CNOT6L: variants seen among roughly 807,000 people sequenced by gnomAD.
The protein encoded by CNOT6L is CCR4-NOT transcription complex subunit 6 like.
In CNOT6L, 7 loss-of-function variants were observed where a neutral mutation model predicts 64.0. The ratio of observed to expected loss-of-function variants is 0.11; its 90% CI spans 0.06 to 0.21. CNOT6L has a LOEUF of 0.21. CNOT6L is among the 10% of genes least tolerant of loss of function. The pLI, the probability that CNOT6L is intolerant of heterozygous loss-of-function variation, is 1.00. For synonymous variants in CNOT6L, 193 were observed against 243.4 expected (o/e 0.79, Z 1.93); for missense variants, 245 against 669.0 (o/e 0.37, Z 6.99).
intron 10 of CNOT6L, 115 bp from the exon 11 acceptor site, chr4:77,726,484 G>A (rs972454349): frequency 9.3e-6 from 7 of 750,358 alleles, no homozygotes; most frequent in Non-Finnish European, 1.5e-5. Flanking sequence ...TTCTTAGGTT[G>A]AGCCATATAA....
chr4:77,819,114 G>T, intron 1 of CNOT6L, 190 bp downstream of exon 1: 2 of 1,059,074 alleles, frequency 1.9e-6, no homozygotes, highest in South Asian at 1.3e-5. Context: ...ACGCGGGTCA[G>T]CCCCGCCGCC....
intron 1 of CNOT6L, among the ~76,000 whole-genome samples, chr4:77,804,224 T>C (rs898506541): frequency 6.6e-6 from 1 of 151,860 alleles, no homozygotes; most frequent in Non-Finnish European, 1.5e-5. Context: ...AGTCAGGAGT[T>C]TGAGACCAGC....
At chr4:77,782,159 T>G (rs898593148) in intron 1 of CNOT6L, among the ~76,000 whole-genome samples, 6 of 152,134 alleles carry the variant, frequency 3.9e-5, no homozygotes, top group African/African-American at 1.4e-4. Context: ...GGAAAACATG[T>G]TTTTTTGTGT....
At chr4:77,782,512 T>TA (rs1244354799) in intron 1 of CNOT6L, among the ~76,000 whole-genome samples, 5 of 151,124 alleles carry the variant, frequency 3.3e-5, no homozygotes, top group African/African-American at 4.9e-5. Context: ...TTATTTTATT[T>TA]TTTTTTTTAG....
chr4:77,797,861 G>T (rs934100894), intron 1 of CNOT6L, among the ~76,000 whole-genome samples: 1 of 152,076 alleles, frequency 6.6e-6, no homozygotes, highest in Non-Finnish European at 1.5e-5. Flanking sequence ...TGGATCACAG[G>T]CCTAAATTTA....
chr4:77,777,866 T>C (rs1237767209), intron 1 of CNOT6L, among the ~76,000 whole-genome samples: 2 of 152,214 alleles, frequency 1.3e-5, no homozygotes, highest in African/African-American at 4.8e-5. Flanking sequence ...AAGAATGCAA[T>C]CAAAGTTTCC....
chr4:77,743,931 A>T (rs1407179203), intron 7 of CNOT6L, among the ~76,000 whole-genome samples: 1 of 152,126 alleles, frequency 6.6e-6, no homozygotes, highest in Non-Finnish European at 1.5e-5. Flanking sequence ...AAACACCTTT[A>T]AGAAATAGTA....
chr4:77,745,538 GGC>G (rs1370362202), intron 6 of CNOT6L, among the ~76,000 whole-genome samples: 1 of 152,134 alleles, frequency 6.6e-6, no homozygotes, highest in East Asian at 1.9e-4. Flanking sequence ...CAGAATCTGT[GGC>G]CCCATAAACA....
intron 9 of CNOT6L, among the ~76,000 whole-genome samples, chr4:77,730,059 TA>T (rs979170712): frequency 6.6e-6 from 1 of 152,096 alleles, no homozygotes; most frequent in Non-Finnish European, 1.5e-5. Flanking sequence ...CATACAAATT[TA>T]ATTTTTCTTT....
At chr4:77,820,023 C>T (rs1040474313), upstream of CNOT6L, among the ~76,000 whole-genome samples, 1 of 152,060 alleles carries the variant, frequency 6.6e-6, no homozygotes, top group Non-Finnish European at 1.5e-5. Flanking sequence ...AGAGCCTGGC[C>T]TTGGCCTTGG....
Position 77,718,478 on chromosome 4 carries a change from T to TTTC in CNOT6L, c.*1950_*1952dup, listed in dbSNP as rs1346526958. The TTTC allele has an allele frequency of 6.6e-6, 1 of 152,618 alleles. No individual in the cohort carries two copies. Among genetic ancestry groups the TTTC allele is most frequent in the Non-Finnish European group, 1.5e-5 (1 of 68,030 alleles). The allele number at this position is 152,618 out of a possible 1,614,324, so 9.5% of individuals were successfully genotyped here. ...GGAAAATCTGTCATCTTAAGGGTTGTTTCTTTTTGTTTGTTTATCCTGGTA... is the reference window on the plus strand; with the variant it reads ...GGAAAATCTGTCATCTTAAGGGTTGTTTCTTCTTTTTGTTTGTTTATCCTGGTA... On this transcript the variant is annotated 3_prime_UTR_variant, in exon 12 of 12. Coordinates refer to ENST00000504123, the MANE Select transcript of CNOT6L (RefSeq NM_144571.3).
At chr4:77,803,701 CA>C in intron 1 of CNOT6L, among the ~76,000 whole-genome samples, 1 of 152,224 alleles carries the variant, frequency 6.6e-6, no homozygotes, top group East Asian at 1.9e-4. Flanking sequence ...AACGGCAGTT[CA>C]AGACCAGCCT....
chr4:77,785,513 G>A (rs1577982863), intron 1 of CNOT6L, among the ~76,000 whole-genome samples: 1 of 151,352 alleles, frequency 6.6e-6, no homozygotes, highest in Non-Finnish European at 1.5e-5. Context: ...TGCAAAACAC[G>A]TATCTGAAAA....
chr4:77,798,431 TA>T (rs955366471), intron 1 of CNOT6L, among the ~76,000 whole-genome samples: 6 of 151,906 alleles, frequency 3.9e-5, no homozygotes, highest in African/African-American at 1.5e-4. Flanking sequence ...AATTCAGTAA[TA>T]AAAAAAATTT....
chr4:77,754,998 TAACA>T (rs991852363), intron 5 of CNOT6L, among the ~76,000 whole-genome samples: 1 of 137,462 alleles, frequency 7.3e-6, no homozygotes, highest in Non-Finnish European at 1.6e-5. Context: ...AGCGGTACCA[TAACA>T]AAAAAGATCA....
At chr4:77,728,488 C>T (rs534066875) in intron 10 of CNOT6L, among the ~76,000 whole-genome samples, 15 of 152,306 alleles carry the variant, frequency 9.8e-5, no homozygotes, top group African/African-American at 3.4e-4. Flanking sequence ...GGATTGACCG[C>T]TTCATGCAAT....
intron 4 of CNOT6L, among the ~76,000 whole-genome samples, chr4:77,761,354 G>A (rs1297979555): frequency 6.6e-6 from 1 of 152,074 alleles, no homozygotes; most frequent in Non-Finnish European, 1.5e-5. Flanking sequence ...GAAAAAGGTG[G>A]GAGGATAACC....
At chr4:77,794,957 C>CA (rs149302004) in intron 1 of CNOT6L, among the ~76,000 whole-genome samples, 19,916 of 148,630 alleles carry the variant, frequency 0.13, 1,811 homozygotes, top group Non-Finnish European at 0.19. Context: ...ATGTCCCCTG[C>CA]AAAAAAATCA....
intron 8 of CNOT6L, among the ~76,000 whole-genome samples, chr4:77,737,403 G>GTTTTTTTTTTTTTTTTTTTTTT (rs1723076948): frequency 1.7e-5 from 2 of 116,046 alleles, no homozygotes; most frequent in African/African-American, 6.7e-5. Flanking sequence ...TATTTGTACC[G>GTTTTTTTTTTTTTTTTTTTTTT]TTCTTTTTTT....
Sources: gnomAD v4.1 joint callset for allele counts (sites outside exome capture counted in the v4.1 genomes callset) on GRCh38, gnomAD v4.1.1 for gene constraint, MANE v1.5 for transcripts, NCBI Gene and HGNC (gene_info 2026-07-23, HGNC 2026-07-21) for gene names.